The following FBXO40 variants were observed in gnomAD, a reference collection of about 807,000 sequenced individuals.
The protein encoded by FBXO40 is F-box only protein 40.
FBXO40 carries 50 observed loss-of-function variants against 49.9 expected under a neutral mutation model. The observed-to-expected ratio is 1.00, with a 90% CI of 0.80 to 1.27. The LOEUF (loss-of-function observed/expected upper bound fraction) is 1.27, where lower values mean the gene tolerates loss of function less well. Among genes scored for constraint, FBXO40 ranks in the 50% most tolerant of loss-of-function variants. The probability of loss-of-function intolerance (pLI) is 0.00; values close to 1 mark genes in which losing one functional copy is unlikely to be tolerated. For missense variants in FBXO40, 895 were observed against 870.1 expected, an observed-to-expected ratio of 1.03 and a Z score of -0.36; for synonymous variants, 340 against 320.2, an observed-to-expected ratio of 1.06 and a Z score of -0.66.
chr3:121,627,991 C>G lies in FBXO40; in HGVS notation c.*1081C>G, dbSNP rs962765270. 1 of 398,570 alleles carries G rather than the reference C, an allele frequency of 2.5e-6. No individual in the cohort carries two copies. Among genetic ancestry groups the G allele is most frequent in the Non-Finnish European group, 4.4e-6 (1 of 226,040 alleles). The allele number at this position is 398,570 out of a possible 1,614,324, so 24.7% of individuals were successfully genotyped here. A position where few individuals can be genotyped will look rare whatever the true frequency, so the allele number is the denominator to read the frequency against. ...GCTCCCTGAAATTGCTCCTACCCAT[C>G]CATATTTCTGGTCATGCTTTCAGTC... On this transcript the variant is annotated 3_prime_UTR_variant, in exon 4 of 4. Coordinates refer to ENST00000338040, the MANE Select transcript of FBXO40 (RefSeq NM_016298.4).
Position 121,623,277 on chromosome 3 carries a change from G to T in FBXO40, c.1848G>T (p.Met616Ile). The change falls in exon 3 of 4, where the codon ATG becomes ATT. Residue 616 changes from methionine (M) to isoleucine (I), a missense_variant. Met to Ile is a conservative substitution (Grantham distance 10). Transcript: ENST00000338040. ...CCACTTTGTTACAAGAGAGAGGAAT[G>T]GTCCTTTTGCAATGGAAGAAAAAGA... ...ICATLLQERG[M>I]VLLQWKKKRY... is the part of the protein sequence containing the mutation. The T allele has an allele frequency of 1.2e-6, 2 of 1,614,190 alleles. No homozygotes were observed. The highest frequency in any genetic ancestry group is 1.7e-6 in the Non-Finnish European group (2 of 1,180,040).
chr3:121,616,739 A>C (rs2048999785), intron 1 of FBXO40, among the ~76,000 whole-genome samples: 1 of 152,184 alleles, frequency 6.6e-6, no homozygotes, highest in Non-Finnish European at 1.5e-5. Flanking sequence ...GGAACTAATA[A>C]ATGAATGAAC....
chr3:121,615,562 TAAAA>T (rs34194992), intron 1 of FBXO40, among the ~76,000 whole-genome samples: 1 of 129,000 alleles, frequency 7.8e-6, no homozygotes, highest in Non-Finnish European at 1.6e-5. Flanking sequence ...GACTGTGTCT[TAAAA>T]AAAAAAAAAA....
chr3:121,606,974 TTTTA>T (rs2048935123), intron 1 of FBXO40, among the ~76,000 whole-genome samples: 1 of 152,160 alleles, frequency 6.6e-6, no homozygotes, highest in East Asian at 1.9e-4. Flanking sequence ...TTTAATAAAC[TTTTA>T]GATAGGCTTG....
At chr3:121,624,248 C>T (rs1426811148) in intron 3 of FBXO40, among the ~76,000 whole-genome samples, 1 of 152,098 alleles carries the variant, frequency 6.6e-6, no homozygotes, top group Non-Finnish European at 1.5e-5. Context: ...CCTCAGCCTC[C>T]TAAAGTGCTG....
intron 1 of FBXO40, among the ~76,000 whole-genome samples, chr3:121,600,599 C>T (rs1044015867): frequency 6.6e-6 from 1 of 152,156 alleles, no homozygotes; most frequent in Non-Finnish European, 1.5e-5. Flanking sequence ...TAGCGATGGG[C>T]TTGCATTTTT....
intron 1 of FBXO40, 149 bp from the exon 2 acceptor site, chr3:121,620,397 T>C: frequency 3.1e-6 from 2 of 640,392 alleles, no homozygotes; most frequent in South Asian, 4.4e-5. Flanking sequence ...CAAGCTTCTG[T>C]TTCCTTGACT....
chr3:121,612,978 G>A lies in FBXO40; in HGVS notation c.-30-7568G>A, dbSNP rs530384266. Among the ~76,000 whole-genome samples, 87 of 151,666 alleles carry A rather than the reference G, an allele frequency of 5.7e-4. No individual in the cohort carries two copies. The Middle Eastern group carries it at 0.01, about 18-fold the overall frequency. ...CCAGCTACTCGGGAGGCTGAGGCGG[G>A]AGAATGGCGAGAACCCGGGAGGCGG... On this transcript the variant is annotated intron_variant, in intron 1 of 3. Transcript: ENST00000338040.
At chr3:121,604,464 C>G (rs1303936141) in intron 1 of FBXO40, among the ~76,000 whole-genome samples, 2 of 152,144 alleles carry the variant, frequency 1.3e-5, no homozygotes, top group Non-Finnish European at 2.9e-5. Context: ...TAAAGCTATG[C>G]CTATTCCAAT....
At chr3:121,601,687 C>T (rs1381537719) in intron 1 of FBXO40, among the ~76,000 whole-genome samples, 1 of 152,236 alleles carries the variant, frequency 6.6e-6, no homozygotes, top group African/African-American at 2.4e-5. Context: ...TTTCCAGGAA[C>T]TGAGCTCAAC....
At chr3:121,624,689 C>T (rs1434065365) in intron 3 of FBXO40, among the ~76,000 whole-genome samples, 4 of 152,198 alleles carry the variant, frequency 2.6e-5, no homozygotes, top group African/African-American at 9.6e-5. Flanking sequence ...TGAGCAGGTG[C>T]TGTCCCTCCA....
rs958185624 is a variant in FBXO40, at chr3:121,622,875, C to A, written c.1446C>A (p.Phe482Leu). ...SSAFTFTCNK[F>L]FRRDEFPLHF... The stretch of plus-strand genomic sequence containing the variant: ...CCTTCACTTTCACTTGCAACAAATT[C>A]TTCAGGAGGGATGAGTTCCCCCTGC... Residue 482 changes from phenylalanine to leucine, a missense_variant, in exon 3 of 4, where the codon TTC becomes TTA. Coordinates refer to ENST00000338040, the MANE Select transcript of FBXO40 (RefSeq NM_016298.4). 3.7e-6 allele frequency: 6 copies of A among 1,614,050 alleles called. No homozygotes were observed. The African/African-American group carries it at 4.0e-5, about 11-fold the overall frequency.
At chr3:121,615,283 C>T (rs1003238458) in intron 1 of FBXO40, among the ~76,000 whole-genome samples, 5 of 149,266 alleles carry the variant, frequency 3.3e-5, no homozygotes, top group Non-Finnish European at 4.4e-5. Context: ...GAAGGAGGAA[C>T]GCTCCCTCTT....
rs372367097 is a variant in FBXO40 at position 121,622,756 on chromosome 3, G to A, written c.1327G>A (p.Val443Met). ...GCCAGAACAGTTTTCCTCTGGGACA[G>A]TGCTGGCTGACCTAACCGCTGCCAC... Reference protein sequence around the residue: ...FEPEQFSSGTVLADLTAATPG... With the variant: ...FEPEQFSSGTMLADLTAATPG... The change falls in exon 3 of 4, where the codon GTG (valine) becomes ATG (methionine). Residue 443 changes from valine to methionine, a missense_variant. Coordinates refer to ENST00000338040, the MANE Select transcript of FBXO40 (RefSeq NM_016298.4). 2.5e-6 allele frequency: 4 copies of A among 1,614,096 alleles called. No homozygotes were observed.
intron 3 of FBXO40, among the ~76,000 whole-genome samples, chr3:121,623,656 T>C (rs1312070618): frequency 6.6e-6 from 1 of 151,830 alleles, no homozygotes; most frequent in African/African-American, 2.4e-5. Flanking sequence ...TGTGAGCCAC[T>C]GTACCTGGCC....
intron 1 of FBXO40, among the ~76,000 whole-genome samples, chr3:121,616,711 A>G (rs2048999669): frequency 6.6e-6 from 1 of 152,166 alleles, no homozygotes; most frequent in Admixed American, 6.5e-5. Context: ...ATGTTTGTTG[A>G]GTGGGTGAAT....
chr3:121,620,730 G>A lies in FBXO40; in HGVS notation c.3+152G>A, dbSNP rs1019000636. 6 of 895,808 alleles carry A rather than the reference G, an allele frequency of 6.7e-6. No homozygotes were observed. In the Admixed American group the frequency reaches 1.2e-4, roughly 18 times the overall value. 55.5% of individuals were successfully genotyped at this position (895,808 alleles called of 1,614,324 possible). A position where few individuals can be genotyped will look rare whatever the true frequency, so the allele number is the denominator to read the frequency against. On this transcript the variant is annotated intron_variant, in intron 2 of 3. Coordinates refer to ENST00000338040, the MANE Select transcript of FBXO40 (RefSeq NM_016298.4). ...AACTAGAGATGCTGAACAGAACTTG[G>A]AAGAAATTGACACAGAGTAAGGGGA...
In FBXO40 at chr3:121,594,469, G is replaced by A. The variant is rs71329227; in HGVS notation, c.-31+967G>A. On this transcript the variant is annotated intron_variant, in intron 1 of 3. Transcript: ENST00000338040. ...ACCCGCTTCGGCCTCCCAAAGTGCT[G>A]AGAATACAAGCATGAGCCGCTGTGC... 4.5e-3 allele frequency among the ~76,000 whole-genome samples: 690 copies of A among 152,322 alleles called. 4 individuals carry two copies. Among genetic ancestry groups the A allele is most frequent in the Non-Finnish European group, 7.3e-3 (499 of 68,030 alleles).
At chr3:121,608,135 C>T (rs1270838045) in intron 1 of FBXO40, among the ~76,000 whole-genome samples, 5 of 152,138 alleles carry the variant, frequency 3.3e-5, no homozygotes, top group Non-Finnish European at 5.9e-5. Context: ...GGCCTTGGCC[C>T]CCACATCTGC....
Sources: allele counts gnomAD v4.1 joint callset (sites outside exome capture counted in the v4.1 genomes callset), GRCh38; gene constraint gnomAD v4.1.1; transcripts MANE v1.5; gene names NCBI Gene and HGNC (gene_info 2026-07-23, HGNC 2026-07-21).